The following SHROOM4 variants were observed in gnomAD, a reference collection of about 807,000 sequenced individuals.
The protein encoded by SHROOM4 is shroom family member 4.
Under a neutral mutation model 80.3 loss-of-function variants are expected in SHROOM4, and 17 were observed. The observed-to-expected ratio is 0.21, with a 90% confidence interval of 0.14 to 0.32. The LOEUF (loss-of-function observed/expected upper bound fraction) is 0.32. Ranked by LOEUF, SHROOM4 falls within the 10% of genes least tolerant of loss-of-function variation. SHROOM4 has a pLI of 1.00. For synonymous variants in SHROOM4, 400 were observed against 437.5 expected, an observed-to-expected ratio of 0.91 and a Z score of 1.07; for missense variants, 993 against 1,140.3, an observed-to-expected ratio of 0.87 and a Z score of 1.86.
At chrX:50,791,191 G>A (rs187667123) in intron 1 of SHROOM4, among the ~76,000 whole-genome samples, 2 of 110,584 alleles carry the variant, frequency 1.8e-5, no homozygotes, top group Non-Finnish European at 3.8e-5. Flanking sequence ...AAAAAAATAA[G>A]AAAACAATCC....
At chrX:50,677,908 A>T (rs1557261468) in intron 2 of SHROOM4, among the ~76,000 whole-genome samples, 1 of 111,323 alleles carries the variant, frequency 9.0e-6, no homozygotes, top group Non-Finnish European at 1.9e-5. Flanking sequence ...TATCTGCCTA[A>T]TCAGTGGGTA....
chrX:50,651,897 G>C (rs781890393), intron 2 of SHROOM4, among the ~76,000 whole-genome samples: 4 of 111,286 alleles, frequency 3.6e-5, no homozygotes, highest in African/African-American at 1.3e-4. Flanking sequence ...CCATGTCCCT[G>C]CAAAGGACAT....
intron 7 of SHROOM4, among the ~76,000 whole-genome samples, chrX:50,601,079 G>A (rs782455857): frequency 1.8e-5 from 2 of 112,303 alleles, no homozygotes; most frequent in East Asian, 2.8e-4. Flanking sequence ...TCCTGGGGAA[G>A]TGTGATGGAT....
At chrX:50,776,889 A>G (rs185896709) in intron 1 of SHROOM4, among the ~76,000 whole-genome samples, 1 of 109,136 alleles carries the variant, frequency 9.2e-6, no homozygotes, top group Non-Finnish European at 1.9e-5. Context: ...GGGGTTTACT[A>G]TATTGCCCAG....
At chrX:50,686,403 T>G (rs1933075637) in intron 2 of SHROOM4, among the ~76,000 whole-genome samples, 1 of 110,893 alleles carries the variant, frequency 9.0e-6, no homozygotes, top group Non-Finnish European at 1.9e-5. Context: ...CTGCCTTCCT[T>G]TTACTTAGGA....
intron 1 of SHROOM4, among the ~76,000 whole-genome samples, chrX:50,744,976 A>G (rs191532910): frequency 2.7e-5 from 3 of 111,923 alleles, no homozygotes; most frequent in East Asian, 5.6e-4. Flanking sequence ...TCTTTTGCCA[A>G]TGTATCTTTG....
At chrX:50,697,241 G>A (rs954153679) in intron 1 of SHROOM4, among the ~76,000 whole-genome samples, 1 of 111,598 alleles carries the variant, frequency 9.0e-6, no homozygotes. Context: ...TCCAGGGAAA[G>A]GGAACGTAAG....
chrX:50,803,783 T>C (rs1936174225), intron 1 of SHROOM4, among the ~76,000 whole-genome samples: 1 of 112,356 alleles, frequency 8.9e-6, no homozygotes, highest in Non-Finnish European at 1.9e-5. Flanking sequence ...CTAACTCTTG[T>C]ATTCTCTAGT....
At chrX:50,728,460 C>A (rs1311884378) in intron 1 of SHROOM4, among the ~76,000 whole-genome samples, 1 of 112,551 alleles carries the variant, frequency 8.9e-6, no homozygotes, top group Admixed American at 9.4e-5. Context: ...CTAGGCTACA[C>A]CTAATCAGAA....
chrX:50,798,321 G>C (rs1370610060), intron 1 of SHROOM4, among the ~76,000 whole-genome samples: 1 of 111,690 alleles, frequency 9.0e-6, no homozygotes, highest in African/African-American at 3.3e-5. Flanking sequence ...TCTTGGAATA[G>C]GGACACTACT....
At chrX:50,597,160 T>C (rs1456645985) in intron 8 of SHROOM4, among the ~76,000 whole-genome samples, 196 bp from the exon 9 acceptor site, 1 of 112,596 alleles carries the variant, frequency 8.9e-6, no homozygotes, top group African/African-American at 3.2e-5. Context: ...AGGGTAAACA[T>C]GACAACAATT....
chrX:50,683,386 A>G (rs782058258), intron 2 of SHROOM4, among the ~76,000 whole-genome samples: 4 of 111,177 alleles, frequency 3.6e-5, no homozygotes, highest in Non-Finnish European at 7.5e-5. Flanking sequence ...GGAACTTTGA[A>G]GGGTTTTGGT....
At chrX:50,734,642 T>C (rs1281203565) in intron 1 of SHROOM4, among the ~76,000 whole-genome samples, 1 of 111,079 alleles carries the variant, frequency 9.0e-6, no homozygotes, top group Non-Finnish European at 1.9e-5. Context: ...CTGGAACTCC[T>C]GACCTCAAGT....
At position 50,607,854 on chromosome X, in the gene SHROOM4, C is replaced by T; in HGVS notation, c.3288G>A (p.Lys1096=). The T allele has an allele frequency of 8.3e-7, 1 of 1,209,382 alleles. No homozygotes were observed. Among genetic ancestry groups the T allele is most frequent in the Non-Finnish European group, 1.1e-6 (1 of 894,075 alleles). The change falls in exon 6 of 9, where the codon AAG becomes AAA. Residue 1096 remains lysine, a synonymous_variant. Transcript: ENST00000376020. ...ETQSDLLGAR[K]KAFPPPRPPP... Reference sequence around the variant, plus strand: ...GAGGGCGAGGAGGAGGAAAGGCCTTCTTCCTGGCTCCGAGAAGATCCGACT... The same window carrying T: ...GAGGGCGAGGAGGAGGAAAGGCCTTTTTCCTGGCTCCGAGAAGATCCGACT...
At chrX:50,639,405 T>G (rs887792969) in intron 2 of SHROOM4, among the ~76,000 whole-genome samples, 1 of 109,627 alleles carries the variant, frequency 9.1e-6, no homozygotes, top group Non-Finnish European at 1.9e-5. Context: ...AAGAGAAAAC[T>G]CTGAGAAAGA....
intron 1 of SHROOM4, among the ~76,000 whole-genome samples, chrX:50,784,306 A>C (rs1445026768): frequency 9.0e-6 from 1 of 111,162 alleles, no homozygotes; most frequent in Non-Finnish European, 1.9e-5. Context: ...GCTAATTTTT[A>C]AAAAGTGGTT....
At chrX:50,597,340 CTGTGTGAGTGGATA>C (rs1363499156) in intron 8 of SHROOM4, among the ~76,000 whole-genome samples, 2 of 111,672 alleles carry the variant, frequency 1.8e-5, no homozygotes, top group African/African-American at 6.5e-5. Context: ...ATGTGTGTGT[CTGTGTGAGTGGATA>C]TGTGTGAGTG....
Position 50,814,043 on chromosome X carries a change from G to A in SHROOM4, c.-25C>T. 5.3e-6 allele frequency: 6 copies of A among 1,124,253 alleles called. No homozygotes were observed. The highest frequency in any genetic ancestry group is 7.3e-6 in the Non-Finnish European group (6 of 819,263). 92.7% of individuals were successfully genotyped at this position (1,124,253 alleles called of 1,213,427 possible). The stretch of plus-strand genomic sequence containing the variant: ...TCCTCGGCTGGGCTCAGGCGCCGCC[G>A]GGCTCCTTTTCCGAGGGGGCTACGT... On this transcript the variant is annotated 5_prime_UTR_variant, in exon 1 of 9. Transcript: ENST00000376020.
Position 50,589,355 on chromosome X carries a change from C to A in SHROOM4, c.*7340G>T, listed in dbSNP as rs782551168. Among the ~76,000 whole-genome samples, 1 of 111,410 alleles carries A rather than the reference C, an allele frequency of 9.0e-6. No homozygotes were observed. Among genetic ancestry groups the A allele is most frequent in the African/African-American group, 3.3e-5 (1 of 30,735 alleles). On this transcript the variant is annotated 3_prime_UTR_variant, in exon 9 of 9. Transcript: ENST00000376020. ...TTAAAATGTATACTTCAATGGTTTC[C>A]AGTACATTCAGAGTTGGACAACCAG...
Sources: gnomAD v4.1 joint callset for allele counts (sites outside exome capture counted in the v4.1 genomes callset) on GRCh38, gnomAD v4.1.1 for gene constraint, MANE v1.5 for transcripts, NCBI Gene and HGNC (gene_info 2026-07-23, HGNC 2026-07-21) for gene names.